Variants in GABRA2 observed in about 807,000 individuals in gnomAD.
GABRA2 encodes gamma-aminobutyric acid type A receptor subunit alpha2.
Under a neutral mutation model 48.7 loss-of-function variants are expected in GABRA2, and 16 were observed. The ratio of observed to expected loss-of-function variants is 0.33; its 90% CI spans 0.22 to 0.50. The LOEUF is 0.50. GABRA2 is among the 20% of genes least tolerant of loss of function. The pLI is 0.98. For synonymous variants in GABRA2, 185 were observed against 184.5 expected, an observed-to-expected ratio of 1.00 and a Z score of -0.02; for missense variants, 275 against 535.6, an observed-to-expected ratio of 0.51 and a Z score of 4.80.
chr4:46,385,099 ATATATATAT>A, intron 3 of GABRA2, among the ~76,000 whole-genome samples: 4 of 148,784 alleles, frequency 2.7e-5, no homozygotes, highest in African/African-American at 7.3e-5. Flanking sequence ...ATATATATAT[ATATATATAT>A]AAACAAAACT....
At chr4:46,265,919 T>G (rs1718120193) in intron 8 of GABRA2, among the ~76,000 whole-genome samples, 1 of 152,094 alleles carries the variant, frequency 6.6e-6, no homozygotes, top group East Asian at 1.9e-4. Flanking sequence ...GATCTCTTCT[T>G]TGATTTCATG....
chr4:46,329,554 G>A (rs1410392424), intron 4 of GABRA2, among the ~76,000 whole-genome samples: 3 of 152,118 alleles, frequency 2.0e-5, no homozygotes, highest in Non-Finnish European at 2.9e-5. Flanking sequence ...TAGAGGGAAA[G>A]GGTGTTCTTT....
At chr4:46,368,084 C>A (rs1714321086) in intron 3 of GABRA2, 1 of 152,118 alleles carries the variant, frequency 6.6e-6, no homozygotes, top group Non-Finnish European at 1.5e-5. Flanking sequence ...CAATCCGAAA[C>A]CCTAAGTGAG....
At position 46,389,928 on chromosome 4, in the gene GABRA2, G is replaced by C. The variant is rs551768824; in HGVS notation, c.-204C>G. On this transcript the variant is annotated 5_prime_UTR_variant, in exon 1 of 10. Coordinates refer to ENST00000381620, the MANE Select transcript of GABRA2 (RefSeq NM_000807.4). ...GGTGGAAGCCGGAGAGGAGCGCTAG[G>C]AGCCGCGGCGGCGGCGCGAGGTGTA... 1 of 987,934 alleles carries C rather than the reference G, an allele frequency of 1.0e-6. No homozygotes were observed. Among genetic ancestry groups the C allele is most frequent in the Non-Finnish European group, 1.2e-6 (1 of 831,844 alleles). 61.2% of individuals were successfully genotyped at this position (987,934 alleles called of 1,614,324 possible).
intron 3 of GABRA2, among the ~76,000 whole-genome samples, chr4:46,339,223 A>C (rs1003402981): frequency 3.9e-5 from 6 of 151,936 alleles, no homozygotes; most frequent in African/African-American, 1.2e-4. Flanking sequence ...ATTTTAATTA[A>C]ATAAAATTAA....
chr4:46,289,520 G>A (rs1193018238), intron 8 of GABRA2, among the ~76,000 whole-genome samples: 1 of 152,128 alleles, frequency 6.6e-6, no homozygotes, highest in African/African-American at 2.4e-5. Flanking sequence ...GACACATAGG[G>A]AGGAACAACA....
intron 1 of GABRA2, chr4:46,389,398 G>C (rs1377885241): frequency 3.0e-6 from 3 of 985,246 alleles, no homozygotes; most frequent in Non-Finnish European, 3.6e-6. Flanking sequence ...CTCTGGAGCC[G>C]AGGATCACAA....
At chr4:46,295,021 T>A (rs1724373613) in intron 8 of GABRA2, among the ~76,000 whole-genome samples, 1 of 152,184 alleles carries the variant, frequency 6.6e-6, no homozygotes, top group Non-Finnish European at 1.5e-5. Context: ...CTACCCTGCC[T>A]TCTCTCTGCA....
intron 8 of GABRA2, among the ~76,000 whole-genome samples, chr4:46,280,213 C>T (rs185103675): frequency 9.2e-5 from 14 of 152,052 alleles, no homozygotes; most frequent in East Asian, 7.7e-4. Context: ...AGTCAGAAAT[C>T]GTGAGACAGT....
intron 4 of GABRA2, among the ~76,000 whole-genome samples, chr4:46,317,763 T>C (rs1051921311): frequency 6.6e-6 from 1 of 151,196 alleles, no homozygotes; most frequent in Admixed American, 6.6e-5. Context: ...AAAAAAATGG[T>C]AAACAAATAA....
chr4:46,280,549 T>G (rs532363), intron 8 of GABRA2, among the ~76,000 whole-genome samples: 93,064 of 151,928 alleles, frequency 0.61, 29,006 homozygotes, highest in South Asian at 0.76. Flanking sequence ...ATAAAGTTTG[T>G]AACACAAGTA....
At chr4:46,375,759 C>A (rs535899629) in intron 3 of GABRA2, among the ~76,000 whole-genome samples, 1 of 152,154 alleles carries the variant, frequency 6.6e-6, no homozygotes, top group Non-Finnish European at 1.5e-5. Context: ...GTGCCTAGAA[C>A]ACATGAAAGC....
At chr4:46,276,782 G>A (rs1234405055) in intron 8 of GABRA2, among the ~76,000 whole-genome samples, 2 of 151,958 alleles carry the variant, frequency 1.3e-5, no homozygotes, top group East Asian at 3.9e-4. Context: ...TGGGGATAAT[G>A]TCACTTTCCT....
chr4:46,350,756 G>A (rs1734983908), intron 3 of GABRA2, among the ~76,000 whole-genome samples: 1 of 151,692 alleles, frequency 6.6e-6, no homozygotes, highest in South Asian at 2.1e-4. Context: ...AAAAAATTGA[G>A]TGCCTATTAT....
At chr4:46,251,744 C>T (rs968815846) in intron 9 of GABRA2, among the ~76,000 whole-genome samples, 7 of 151,512 alleles carry the variant, frequency 4.6e-5, no homozygotes, top group Non-Finnish European at 7.4e-5. Flanking sequence ...ATTTCTTAGT[C>T]ATGTGATTAT....
chr4:46,375,735 G>C (rs1715599658), intron 3 of GABRA2, among the ~76,000 whole-genome samples: 1 of 152,182 alleles, frequency 6.6e-6, no homozygotes, highest in Non-Finnish European at 1.5e-5. Flanking sequence ...ATTAAGAAGA[G>C]AAAGAAGAAA....
chr4:46,372,302 G>C (rs1476982224), intron 3 of GABRA2, among the ~76,000 whole-genome samples: 1 of 152,150 alleles, frequency 6.6e-6, no homozygotes, highest in East Asian at 1.9e-4. Flanking sequence ...AGAGAACTAT[G>C]AAGGTAAAGG....
chr4:46,330,533 GAT>G (rs1731144469), intron 4 of GABRA2, among the ~76,000 whole-genome samples: 1 of 145,040 alleles, frequency 6.9e-6, no homozygotes, highest in Admixed American at 7.1e-5. Flanking sequence ...GCTAGAAATA[GAT>G]ATGTTTGCAT....
intron 3 of GABRA2, among the ~76,000 whole-genome samples, chr4:46,357,253 G>A (rs745475366): frequency 1.3e-5 from 2 of 151,500 alleles, no homozygotes; most frequent in Non-Finnish European, 2.9e-5. Context: ...TAGCCTGTTA[G>A]TAATAAAACT....
Sources: gnomAD v4.1 joint callset for allele counts (sites outside exome capture counted in the v4.1 genomes callset) on GRCh38, gnomAD v4.1.1 for gene constraint, MANE v1.5 for transcripts, NCBI Gene and HGNC (gene_info 2026-07-23, HGNC 2026-07-21) for gene names.